Variants in DCC observed in about 807,000 individuals in gnomAD.
The protein encoded by DCC is netrin receptor DCC.
In DCC, 58 loss-of-function variants were observed where a neutral mutation model predicts 172.5. The observed-to-expected ratio is 0.34, with a 90% CI of 0.27 to 0.42. The LOEUF is 0.42. Among genes scored for constraint, DCC ranks in the 10% least tolerant of loss-of-function variants. DCC has a pLI of 1.00. For synonymous variants in DCC, 709 were observed against 644.5 expected (o/e 1.10, Z -1.52); for missense variants, 1,740 against 1,791.0 (o/e 0.97, Z 0.51).
chr18:52,839,410 A>G (rs1418422545), intron 2 of DCC, among the ~76,000 whole-genome samples: 1 of 152,144 alleles, frequency 6.6e-6, no homozygotes, highest in East Asian at 1.9e-4. Context: ...TTTGCTCCTG[A>G]GACATCTTTG....
At chr18:53,334,139 G>T (rs1568063015) in intron 14 of DCC, among the ~76,000 whole-genome samples, 2 of 152,130 alleles carry the variant, frequency 1.3e-5, no homozygotes, top group African/African-American at 2.4e-5. Flanking sequence ...CAGCCATCTA[G>T]ACAAGAGCAA....
At chr18:52,749,536 G>T (rs891633868) in intron 1 of DCC, among the ~76,000 whole-genome samples, 2 of 152,184 alleles carry the variant, frequency 1.3e-5, no homozygotes, top group Non-Finnish European at 2.9e-5. Context: ...GCAGTGAGGT[G>T]CCTATATCCC....
chr18:52,487,581 C>T (rs1470751845), intron 1 of DCC, among the ~76,000 whole-genome samples: 4 of 151,958 alleles, frequency 2.6e-5, no homozygotes, highest in Non-Finnish European at 5.9e-5. Flanking sequence ...GAGGCTGAGG[C>T]GGGTGGATTA....
At chr18:52,433,197 C>T (rs1050061848) in intron 1 of DCC, among the ~76,000 whole-genome samples, 17 of 152,008 alleles carry the variant, frequency 1.1e-4, no homozygotes, top group African/African-American at 3.4e-4. Flanking sequence ...GGTTAATTTG[C>T]GATCAGTAAT....
intron 2 of DCC, among the ~76,000 whole-genome samples, chr18:52,795,273 G>A (rs1362829333): frequency 6.6e-6 from 1 of 151,846 alleles, no homozygotes; most frequent in East Asian, 1.9e-4. Context: ...TCTTTATTGG[G>A]ACGCACCTGA....
intron 1 of DCC, among the ~76,000 whole-genome samples, chr18:52,615,766 G>A (rs2034369671): frequency 6.6e-6 from 1 of 152,152 alleles, no homozygotes; most frequent in South Asian, 2.1e-4. Context: ...CTAGGAGCCT[G>A]TAAAGATTAC....
intron 25 of DCC, among the ~76,000 whole-genome samples, chr18:53,472,179 G>A (rs1009404051): frequency 1.3e-5 from 2 of 152,152 alleles, no homozygotes; most frequent in African/African-American, 4.8e-5. Context: ...TTCAAGTCAT[G>A]TAGTAAGCAC....
intron 25 of DCC, among the ~76,000 whole-genome samples, chr18:53,475,618 T>C (rs1337741798): frequency 1.3e-5 from 2 of 152,192 alleles, no homozygotes; most frequent in African/African-American, 4.8e-5. Context: ...AACCTCTGCC[T>C]GGATTTCAGA....
intron 1 of DCC, among the ~76,000 whole-genome samples, chr18:52,715,213 A>G (rs1599041481): frequency 6.6e-6 from 1 of 151,636 alleles, no homozygotes; most frequent in South Asian, 2.1e-4. Flanking sequence ...TTTATCATGT[A>G]TATATAAAAT....
At chr18:53,366,479 A>C (rs772737756) in intron 15 of DCC, among the ~76,000 whole-genome samples, 4 of 152,180 alleles carry the variant, frequency 2.6e-5, no homozygotes, top group Non-Finnish European at 2.9e-5. Flanking sequence ...GAATATTATA[A>C]AATAAAATAA....
At chr18:52,678,256 A>G (rs2035680732) in intron 1 of DCC, among the ~76,000 whole-genome samples, 1 of 152,104 alleles carries the variant, frequency 6.6e-6, no homozygotes, top group Admixed American at 6.6e-5. Flanking sequence ...GAAAACAAAT[A>G]GTGCTGCTGC....
rs117599502 is a variant in DCC, at chr18:53,080,304, A to T, written c.1261+14138A>T. Among the ~76,000 whole-genome samples the T allele has an allele frequency of 5.1e-3, 779 of 152,212 alleles. 6 individuals are homozygous for T. The highest frequency in any genetic ancestry group is 0.022 in the Admixed American group (341 of 15,258). Reference sequence around the variant, plus strand: ...ACTTAAGAAAGAGGAAGAATGACTTAAGTCCATCTCCACAGAAAGAGCCTG... The same window carrying T: ...ACTTAAGAAAGAGGAAGAATGACTTTAGTCCATCTCCACAGAAAGAGCCTG... On this transcript the variant is annotated intron_variant, in intron 7 of 28. Coordinates refer to ENST00000442544, the MANE Select transcript of DCC (RefSeq NM_005215.4).
At chr18:52,388,861 C>T (rs888713636) in intron 1 of DCC, among the ~76,000 whole-genome samples, 2 of 152,194 alleles carry the variant, frequency 1.3e-5, no homozygotes, top group South Asian at 2.1e-4. Flanking sequence ...ATGATAGCTT[C>T]GACTATAAGC....
chr18:53,227,220 A>G (rs141693830), intron 12 of DCC, among the ~76,000 whole-genome samples: 323 of 151,994 alleles, frequency 2.1e-3, no homozygotes, highest in African/African-American at 6.8e-3. Context: ...TGCTGGGATT[A>G]CAGGTGTGAG....
At chr18:52,935,542 T>C (rs916201372) in intron 5 of DCC, among the ~76,000 whole-genome samples, 4 of 152,280 alleles carry the variant, frequency 2.6e-5, no homozygotes, top group Admixed American at 6.5e-5. Context: ...AAAATTGATA[T>C]GGCTTTTTTC....
intron 1 of DCC, among the ~76,000 whole-genome samples, chr18:52,584,859 G>A (rs769726658): frequency 6.6e-6 from 1 of 152,056 alleles, no homozygotes; most frequent in Admixed American, 6.6e-5. Flanking sequence ...ACTTTAGGCA[G>A]TAATCTACCT....
chr18:52,954,419 G>T (rs2145555306), intron 5 of DCC, among the ~76,000 whole-genome samples: 1 of 151,868 alleles, frequency 6.6e-6, no homozygotes, highest in African/African-American at 2.4e-5. Context: ...CTCTAATTTA[G>T]TCTGACTTAT....
Position 53,410,474 on chromosome 18 carries a change from G to A in DCC, c.2958G>A (p.Leu986=). Residue 986 remains leucine, a synonymous_variant, in exon 20 of 29, where the codon TTG becomes TTA. Coordinates refer to ENST00000442544, the MANE Select transcript of DCC (RefSeq NM_005215.4). The stretch of plus-strand genomic sequence containing the variant: ...CAGCTTACATCTTATTTTATACCTT[G>A]GACAAGAACATCCCAATTGATGACT... ...KITAYILFYT[L]DKNIPIDDWI... The A allele has an allele frequency of 6.2e-7, 1 of 1,608,034 alleles. No individual in the cohort carries two copies. The highest frequency in any genetic ancestry group is 8.5e-7 in the Non-Finnish European group (1 of 1,174,626).
chr18:52,616,524 G>T (rs942105161), intron 1 of DCC, among the ~76,000 whole-genome samples: 1 of 152,032 alleles, frequency 6.6e-6, no homozygotes, highest in Admixed American at 6.6e-5. Context: ...ACCTCACTGC[G>T]CTTGGCCCAT....
Sources: gnomAD v4.1 joint callset for allele counts (sites outside exome capture counted in the v4.1 genomes callset) on GRCh38, gnomAD v4.1.1 for gene constraint, MANE v1.5 for transcripts, NCBI Gene and HGNC (gene_info 2026-07-23, HGNC 2026-07-21) for gene names.